Variants in ST18 observed in about 807,000 individuals in gnomAD.
The protein encoded by ST18 is suppression of tumorigenicity 18 protein.
Under a neutral mutation model 110.0 loss-of-function variants are expected in ST18, and 50 were observed. That is an observed-to-expected ratio of 0.45 (90% CI 0.36 to 0.58). The LOEUF is 0.58. Ranked by LOEUF, ST18 falls within the 20% of genes least tolerant of loss-of-function variation. The probability of loss-of-function intolerance (pLI) is 0.00; values close to 1 mark genes in which losing one functional copy is unlikely to be tolerated. For missense variants in ST18, 1,306 were observed against 1,280.1 expected (o/e 1.02, Z -0.31); for synonymous variants, 461 against 452.4 (o/e 1.02, Z -0.24).
intron 8 of ST18, among the ~76,000 whole-genome samples, chr8:52,186,947 G>A (rs2072527177): frequency 6.6e-6 from 1 of 152,116 alleles, no homozygotes; most frequent in African/African-American, 2.4e-5. Flanking sequence ...TCTGGTGGTG[G>A]TTTCATGGGT....
intron 2 of ST18, among the ~76,000 whole-genome samples, chr8:52,342,698 T>G (rs901680440): frequency 6.6e-6 from 1 of 152,130 alleles, no homozygotes; most frequent in African/African-American, 2.4e-5. Context: ...TAATGGGCTG[T>G]GAAAAGACGT....
At chr8:52,367,653 A>C (rs1449779671) in intron 2 of ST18, among the ~76,000 whole-genome samples, 1 of 152,188 alleles carries the variant, frequency 6.6e-6, no homozygotes, top group African/African-American at 2.4e-5. Context: ...AATGGTTTAA[A>C]CTGTTCAACC....
At position 52,363,451 on chromosome 8, in the gene ST18, T is replaced by G. The variant is rs528277308; in HGVS notation, c.-465+45877A>C. On this transcript the variant is annotated intron_variant, in intron 2 of 25. Transcript: ENST00000689386. ...TTAATAAAACAATCACATGATTGGT[T>G]TCTATCATGGGCTCGGTGTGAATTA... Among the ~76,000 whole-genome samples the G allele has an allele frequency of 3.3e-5, 5 of 152,332 alleles. No individual in the cohort carries two copies. In the East Asian group the frequency reaches 7.7e-4, roughly 24 times the overall value.
intron 8 of ST18, among the ~76,000 whole-genome samples, chr8:52,191,700 A>T (rs1255939840): frequency 6.6e-6 from 1 of 152,224 alleles, no homozygotes; most frequent in Admixed American, 6.5e-5. Context: ...AGCAGAGAGA[A>T]GAAATCTTCC....
chr8:52,362,460 C>G (rs115326376), intron 2 of ST18, among the ~76,000 whole-genome samples: 441 of 152,268 alleles, frequency 2.9e-3, no homozygotes, highest in African/African-American at 0.01. Context: ...GCAAATTTAT[C>G]TTCTCTTTGC....
intron 24 of ST18, 61 bp downstream of exon 24, chr8:52,118,272 TCAATG>T: frequency 9.1e-7 from 1 of 1,097,528 alleles, no homozygotes. Flanking sequence ...TTTTAAAATT[TCAATG>T]TTTTGTTTCC....
intron 8 of ST18, among the ~76,000 whole-genome samples, chr8:52,196,638 T>C (rs539987794): frequency 2.0e-5 from 3 of 152,330 alleles, no homozygotes; most frequent in Admixed American, 2.0e-4. Flanking sequence ...TTTTTATAAC[T>C]GTTCTATTTT....
chr8:52,153,923 C>T (rs1291272584), intron 15 of ST18, among the ~76,000 whole-genome samples: 1 of 152,186 alleles, frequency 6.6e-6, no homozygotes, highest in Non-Finnish European at 1.5e-5. Context: ...CTTATAGTAC[C>T]TGGCACATAA....
intron 25 of ST18, among the ~76,000 whole-genome samples, chr8:52,114,433 T>C (rs2041777999): frequency 6.6e-6 from 1 of 152,222 alleles, no homozygotes. Flanking sequence ...TCCCTCCTTT[T>C]TAAAAACACA....
intron 2 of ST18, among the ~76,000 whole-genome samples, chr8:52,305,608 C>T (rs2095799811): frequency 6.6e-6 from 1 of 152,238 alleles, no homozygotes; most frequent in African/African-American, 2.4e-5. Flanking sequence ...GTCCAGTCTT[C>T]CCCATCTCAG....
chr8:52,339,156 G>T (rs1209082230), intron 2 of ST18, among the ~76,000 whole-genome samples: 1 of 152,094 alleles, frequency 6.6e-6, no homozygotes, highest in Non-Finnish European at 1.5e-5. Flanking sequence ...CTGTGGCAGG[G>T]TTCACTCCTG....
chr8:52,165,707 A>G (rs1439323870), intron 11 of ST18, among the ~76,000 whole-genome samples: 2 of 152,230 alleles, frequency 1.3e-5, no homozygotes, highest in African/African-American at 4.8e-5. Context: ...GGAGAAAAGT[A>G]TGGTTGAGCG....
Position 52,267,589 on chromosome 8 carries a change from G to A in ST18, c.-464-37512C>T, listed in dbSNP as rs1023393836. The stretch of plus-strand genomic sequence containing the variant: ...TGCACTAAAAGTTCCACATCTCCAA[G>A]AGCTTTAGCATTGAATGGGGAAAAT... On this transcript the variant is annotated intron_variant, in intron 2 of 25. Transcript: ENST00000689386. 3.5e-4 allele frequency among the ~76,000 whole-genome samples: 53 copies of A among 150,798 alleles called. 1 individual carries two copies. Among genetic ancestry groups the A allele is most frequent in the Middle Eastern group, 3.3e-3 (1 of 306 alleles).
chr8:52,201,699 G>A (rs1015685626), intron 8 of ST18, among the ~76,000 whole-genome samples: 2 of 152,168 alleles, frequency 1.3e-5, no homozygotes, highest in East Asian at 1.9e-4. Context: ...CTTCAGTTTC[G>A]TCTAAGAGTT....
intron 2 of ST18, among the ~76,000 whole-genome samples, chr8:52,252,062 A>G (rs2094338566): frequency 1.3e-5 from 2 of 152,072 alleles, no homozygotes; most frequent in Non-Finnish European, 2.9e-5. Context: ...TACCATAGAA[A>G]CTATTTGCAA....
chr8:52,270,271 T>C (rs1225442475), intron 2 of ST18, among the ~76,000 whole-genome samples: 1 of 152,220 alleles, frequency 6.6e-6, no homozygotes, highest in Non-Finnish European at 1.5e-5. Context: ...ATCATTTTAG[T>C]GGATGACGTC....
chr8:52,276,068 CACATCA>C (rs2095235477), intron 2 of ST18, among the ~76,000 whole-genome samples: 2 of 133,308 alleles, frequency 1.5e-5, no homozygotes, highest in African/African-American at 2.9e-5. Flanking sequence ...ATCACACATA[CACATCA>C]CACATGTAAG....
At chr8:52,199,514 T>C (rs2077251978) in intron 8 of ST18, 1 of 152,178 alleles carries the variant, frequency 6.6e-6, no homozygotes, top group Non-Finnish European at 1.5e-5. Flanking sequence ...TTGCCCTGCA[T>C]CTGTTATAAA....
chr8:52,120,846 G>T (rs1183970656), intron 23 of ST18, among the ~76,000 whole-genome samples: 3 of 152,166 alleles, frequency 2.0e-5, no homozygotes, highest in African/African-American at 7.2e-5. Flanking sequence ...GGGAAGTGAG[G>T]TCAAGAGAAG....
Sources: allele counts gnomAD v4.1 joint callset (sites outside exome capture counted in the v4.1 genomes callset), GRCh38; gene constraint gnomAD v4.1.1; transcripts MANE v1.5; gene names NCBI Gene and HGNC (gene_info 2026-07-23, HGNC 2026-07-21).